The following TRIM49B variants were observed in gnomAD, a reference collection of about 807,000 sequenced individuals.
The protein encoded by TRIM49B is putative tripartite motif-containing protein 49B.
TRIM49B carries 18 observed loss-of-function variants against 31.8 expected under a neutral mutation model. That is an observed-to-expected ratio of 0.57 (90% CI 0.39 to 0.84). The LOEUF is 0.84. Ranked by LOEUF, TRIM49B falls within the 40% of genes least tolerant of loss-of-function variation. The probability of loss-of-function intolerance (pLI) is 0.00; values close to 1 mark genes in which losing one functional copy is unlikely to be tolerated. For missense variants in TRIM49B, 494 were observed against 538.7 expected (o/e 0.92, Z 0.82); for synonymous variants, 196 against 180.6 (o/e 1.09, Z -0.68).
Position 49,032,029 on chromosome 11 carries a change from G to A in TRIM49B, c.411+19G>A, listed in dbSNP as rs1206795164. Reference sequence around the variant, plus strand: ...ACACCAGGTAAGTGATGGCTCTGAAGATCGATTTCTGTAAAGGATACATAA... The same window carrying A: ...ACACCAGGTAAGTGATGGCTCTGAAAATCGATTTCTGTAAAGGATACATAA... On this transcript the variant is annotated intron_variant, in intron 2 of 6. Transcript: ENST00000332682. 6.2e-7 allele frequency: 1 copy of A among 1,611,922 alleles called. No homozygotes were observed. Among genetic ancestry groups the A allele is most frequent in the Non-Finnish European group, 8.5e-7 (1 of 1,179,848 alleles).
At chr11:49,036,181 T>G (rs1565093066) in intron 5 of TRIM49B, 120 bp from the exon 6 acceptor site, 21 of 1,528,812 alleles carry the variant, frequency 1.4e-5, no homozygotes, top group Non-Finnish European at 1.8e-5. Context: ...GAAGGAATAA[T>G]TTTTGAATTA....
chr11:49,038,152 A>G lies in TRIM49B; in HGVS notation c.*175A>G. On this transcript the variant is annotated 3_prime_UTR_variant, in exon 7 of 7. Transcript: ENST00000332682. Reference sequence around the variant, plus strand: ...TACTATTAAATATGCTGAAAACACTAAAAGTATATGTATTGGTTCTTTATT... The same window carrying G: ...TACTATTAAATATGCTGAAAACACTGAAAGTATATGTATTGGTTCTTTATT... The G allele has an allele frequency of 2.2e-6, 3 of 1,380,028 alleles. No homozygotes were observed. The highest frequency in any genetic ancestry group is 2.9e-6 in the Non-Finnish European group (3 of 1,028,956). The allele number at this position is 1,380,028 out of a possible 1,614,324, so 85.5% of individuals were successfully genotyped here.
chr11:49,036,968 A>C (rs1455939610), intron 6 of TRIM49B, among the ~76,000 whole-genome samples: 2 of 152,230 alleles, frequency 1.3e-5, no homozygotes, highest in Admixed American at 1.3e-4. Context: ...TAAGTCTAAA[A>C]TCCAGCTTCA....
chr11:49,033,288 T>C (rs1854477211), intron 3 of TRIM49B, among the ~76,000 whole-genome samples: 2 of 152,098 alleles, frequency 1.3e-5, no homozygotes, highest in Admixed American at 6.5e-5. Context: ...AAAAGGACAA[T>C]GGAGGCCAGA....
At chr11:49,034,764 T>C (rs1434801146) in intron 4 of TRIM49B, among the ~76,000 whole-genome samples, 1 of 152,192 alleles carries the variant, frequency 6.6e-6, no homozygotes, top group Non-Finnish European at 1.5e-5. Flanking sequence ...AACGTTATTT[T>C]GGGGTCCACT....
intron 5 of TRIM49B, among the ~76,000 whole-genome samples, chr11:49,035,942 C>A (rs1029767671): frequency 6.6e-6 from 1 of 151,888 alleles, no homozygotes; most frequent in Non-Finnish European, 1.5e-5. Context: ...GAGAAGGAAG[C>A]AGTGGAAGCA....
chr11:49,032,770 T>A (rs937858903), intron 3 of TRIM49B, among the ~76,000 whole-genome samples: 1 of 152,108 alleles, frequency 6.6e-6, no homozygotes, highest in African/African-American at 2.4e-5. Flanking sequence ...ATCTGAATGC[T>A]AGTGTGCAAG....
At chr11:49,032,136 G>T (rs1854461078) in intron 2 of TRIM49B, 126 bp downstream of exon 2, 1 of 1,582,354 alleles carries the variant, frequency 6.3e-7, no homozygotes, top group Admixed American at 1.9e-5. Context: ...GGCTTTCTTA[G>T]CTTCCAACCT....
rs1319639592 is a variant in TRIM49B, at chr11:49,034,177, G to A, written c.539G>A (p.Arg180Lys). ...GTGAATTTAAGGCTAGAAGCAATTA[G>A]AGCTGAGTATCAGAAGATGCCTGCA... ...DYVNLRLEAI[R>K]AEYQKMPAFH... The change falls in exon 4 of 7, where the codon AGA (arginine) becomes AAA (lysine). Residue 180 changes from arginine to lysine, a missense_variant. Coordinates refer to ENST00000332682, the MANE Select transcript of TRIM49B (RefSeq NM_001206626.2). 6.2e-7 allele frequency: 1 copy of A among 1,611,926 alleles called. No individual in the cohort carries two copies. The highest frequency in any genetic ancestry group is 2.2e-5 in the East Asian group (1 of 44,862).
rs116511223 is a variant in TRIM49B at position 49,029,754 on chromosome 11, T to C, written c.-5+779T>C. ...GACAGAACCATAGGATGTATACGTA[T>C]ATGTGTGCTGATACATTTATCGGCC... is the stretch of plus-strand genomic sequence containing the variant. On this transcript the variant is annotated intron_variant, in intron 1 of 6. Transcript: ENST00000332682. Among the ~76,000 whole-genome samples the C allele has an allele frequency of 3.4e-3, 521 of 152,342 alleles. 3 individuals carry two copies. The highest frequency in any genetic ancestry group is 0.012 in the African/African-American group (506 of 41,586).
chr11:49,035,075 C>T lies in TRIM49B; in HGVS notation c.739-20C>T, dbSNP rs527354466. 162 of 1,485,542 alleles carry T rather than the reference C, an allele frequency of 1.1e-4. No homozygotes were observed. Among genetic ancestry groups the T allele is most frequent in the Admixed American group, 7.6e-4 (37 of 48,938 alleles). 92.0% of individuals were successfully genotyped at this position (1,485,542 alleles called of 1,614,324 possible). ...ATCTTGTGAAATGCACTAAATCTCTCTTTTTTTTTTTTTTTTCAGGCTTTT... is the reference window on the plus strand; with the variant it reads ...ATCTTGTGAAATGCACTAAATCTCTTTTTTTTTTTTTTTTTTCAGGCTTTT... On this transcript the variant is annotated intron_variant, in intron 4 of 6. Coordinates refer to ENST00000332682, the MANE Select transcript of TRIM49B (RefSeq NM_001206626.2).
intron 1 of TRIM49B, 71 bp from the exon 2 acceptor site, chr11:49,031,525 A>G: frequency 1.9e-6 from 3 of 1,574,072 alleles, no homozygotes; most frequent in South Asian, 1.2e-5. Context: ...TAACTATCAC[A>G]TATCTCCACA....
chr11:49,032,222 CCCCT>C (rs143377169), intron 2 of TRIM49B, 50 bp from the exon 3 acceptor site: 77,339 of 1,612,410 alleles, frequency 0.048, 2,157 homozygotes, highest in Non-Finnish European at 0.055. Flanking sequence ...CATTCTGGGG[CCCCT>C]CCCTATGTCA....
rs1854555151 is a variant in TRIM49B, at chr11:49,037,902, C to A, written c.1284C>A (p.Ser428Arg). The change falls in exon 7 of 7, where the codon AGC becomes AGA. Residue 428 changes from serine (S) to arginine (R), a missense_variant. Ser to Arg is a moderately radical substitution (Grantham distance 110). Coordinates refer to ENST00000332682, the MANE Select transcript of TRIM49B (RefSeq NM_001206626.2). Reference protein sequence around the residue: ...KTVSFVDVNQSSLIYTIPNCS... With the variant: ...KTVSFVDVNQRSLIYTIPNCS... ...TGAGCTTTGTTGATGTTAATCAAAG[C>A]TCCCTAATATACACCATCCCTAATT... is the stretch of plus-strand genomic sequence containing the variant. 6.2e-7 allele frequency: 1 copy of A among 1,613,602 alleles called. No individual in the cohort carries two copies. The highest frequency in any genetic ancestry group is 8.5e-7 in the Non-Finnish European group (1 of 1,179,802).
At chr11:49,036,977 C>T (rs1854537266) in intron 6 of TRIM49B, among the ~76,000 whole-genome samples, 1 of 152,178 alleles carries the variant, frequency 6.6e-6, no homozygotes, top group Non-Finnish European at 1.5e-5. Context: ...AATCCAGCTT[C>T]AGCCCAGAGC....
Sources: allele counts gnomAD v4.1 joint callset (sites outside exome capture counted in the v4.1 genomes callset), GRCh38; gene constraint gnomAD v4.1.1; transcripts MANE v1.5; gene names NCBI Gene and HGNC (gene_info 2026-07-23, HGNC 2026-07-21).